Variants in LPP observed in about 807,000 individuals in gnomAD.
LPP encodes lipoma-preferred partner.
LPP carries 38 observed loss-of-function variants against 60.4 expected under a neutral mutation model. That is an observed-to-expected ratio of 0.63 (90% confidence interval 0.49 to 0.83). The LOEUF (loss-of-function observed/expected upper bound fraction) is 0.83, where lower values mean the gene tolerates loss of function less well. LPP is among the 40% of genes least tolerant of loss of function. LPP has a pLI of 0.00. For missense variants in LPP, 902 were observed against 783.6 expected, an observed-to-expected ratio of 1.15 and a Z score of -1.80; for synonymous variants, 328 against 290.8, an observed-to-expected ratio of 1.13 and a Z score of -1.30.
At chr3:188,185,760 G>T (rs575778722) in intron 1 of LPP, among the ~76,000 whole-genome samples, 1 of 152,084 alleles carries the variant, frequency 6.6e-6, no homozygotes, top group South Asian at 2.1e-4. Context: ...CCCTTCTGTC[G>T]TTCTCTCATG....
At chr3:188,384,457 G>T (rs1325943834) in intron 3 of LPP, among the ~76,000 whole-genome samples, 1 of 151,964 alleles carries the variant, frequency 6.6e-6, no homozygotes, top group Non-Finnish European at 1.5e-5. Context: ...TATTTACGAA[G>T]GGACTCAAAC....
chr3:188,607,418 A>AATT (rs1553941235), intron 6 of LPP, among the ~76,000 whole-genome samples: 21 of 38,434 alleles, frequency 5.5e-4, no homozygotes, highest in South Asian at 2.6e-3. Context: ...TATATATATA[A>AATT]TTTTTTTTTC....
rs1194890324 is a variant in LPP at position 188,462,542 on chromosome 3, CTTTATATATATATATA to C, written c.194-22048_194-22033del. Among the ~76,000 whole-genome samples, 109 of 64,292 alleles carry C rather than the reference CTTTATATATATATATA, an allele frequency of 1.7e-3. 3 individuals are homozygous for C. Among genetic ancestry groups the C allele is most frequent in the East Asian group, 5.3e-3 (14 of 2,658 alleles). The allele number at this position is 64,292 out of a possible 152,430, so 42.2% of individuals were successfully genotyped here. A position where few individuals can be genotyped will look rare whatever the true frequency, so the allele number is the denominator to read the frequency against. On this transcript the variant is annotated intron_variant, in intron 4 of 11. Transcript: ENST00000617246. Reference sequence around the variant, plus strand: ...TATAAATTTAGCCAATTTATATGAGCTTTATATATATATATATATATATATATATATATATATATAT... The same window carrying C: ...TATAAATTTAGCCAATTTATATGAGCTATATATATATATATATATATATAT...
At chr3:188,564,887 T>C (rs951656365) in intron 6 of LPP, among the ~76,000 whole-genome samples, 2 of 152,004 alleles carry the variant, frequency 1.3e-5, no homozygotes, top group Non-Finnish European at 2.9e-5. Flanking sequence ...TTAGTGATTC[T>C]GTTTAGTCTT....
intron 6 of LPP, among the ~76,000 whole-genome samples, chr3:188,599,399 C>T (rs1465352127): frequency 6.6e-6 from 1 of 152,062 alleles, no homozygotes; most frequent in Non-Finnish European, 1.5e-5. Flanking sequence ...TGAAGATTTT[C>T]AAGGTAGCAT....
At chr3:188,196,367 G>A (rs943193228) in intron 1 of LPP, among the ~76,000 whole-genome samples, 3 of 152,112 alleles carry the variant, frequency 2.0e-5, no homozygotes, top group Non-Finnish European at 2.9e-5. Context: ...GAGTGACATC[G>A]CCCAATCCTG....
chr3:188,183,269 C>T (rs564457953), intron 1 of LPP, among the ~76,000 whole-genome samples: 3 of 152,248 alleles, frequency 2.0e-5, no homozygotes, highest in Non-Finnish European at 2.9e-5. Flanking sequence ...GCCCACCTTC[C>T]TTATGTCCTC....
intron 9 of LPP, among the ~76,000 whole-genome samples, chr3:188,811,206 CTG>C (rs906107578): frequency 6.6e-6 from 1 of 151,964 alleles, no homozygotes; most frequent in Admixed American, 6.6e-5. Context: ...ATCATTTAGA[CTG>C]TAACATAAGA....
At chr3:188,373,931 G>A (rs1774101086) in intron 3 of LPP, among the ~76,000 whole-genome samples, 1 of 152,066 alleles carries the variant, frequency 6.6e-6, no homozygotes, top group Non-Finnish European at 1.5e-5. Context: ...TATATGGCTG[G>A]CCAGTTTCCC....
At chr3:188,186,624 C>A (rs1726682003) in intron 1 of LPP, among the ~76,000 whole-genome samples, 1 of 151,184 alleles carries the variant, frequency 6.6e-6, no homozygotes, top group Non-Finnish European at 1.5e-5. Flanking sequence ...TGCTATAATA[C>A]AGGCTTACAG....
chr3:188,374,786 A>G (rs886899360), intron 3 of LPP, among the ~76,000 whole-genome samples: 6 of 152,010 alleles, frequency 3.9e-5, no homozygotes, highest in Non-Finnish European at 5.9e-5. Flanking sequence ...TCTTGTGCCC[A>G]TTTTCAAAGG....
chr3:188,801,062 A>T (rs1299722566), intron 9 of LPP, among the ~76,000 whole-genome samples: 1 of 152,096 alleles, frequency 6.6e-6, no homozygotes, highest in Non-Finnish European at 1.5e-5. Context: ...ACTCACACAC[A>T]CACTGATCGA....
chr3:188,368,779 A>G (rs1027019124), intron 3 of LPP, among the ~76,000 whole-genome samples: 5 of 151,218 alleles, frequency 3.3e-5, no homozygotes, highest in South Asian at 2.1e-4. Context: ...GGAACATTTT[A>G]TGCTCAAGGT....
chr3:188,316,052 T>C (rs1301876240), intron 2 of LPP, among the ~76,000 whole-genome samples: 1 of 152,190 alleles, frequency 6.6e-6, no homozygotes, highest in African/African-American at 2.4e-5. Context: ...GGCAGGCAGA[T>C]CACCTGAGGT....
intron 7 of LPP, among the ~76,000 whole-genome samples, chr3:188,636,404 C>G (rs1180732791): frequency 2.0e-5 from 3 of 152,310 alleles, no homozygotes; most frequent in Admixed American, 6.5e-5. Context: ...TCGGAGGGTC[C>G]TACCCCATGG....
chr3:188,608,851 T>C (rs1323776664), intron 6 of LPP, among the ~76,000 whole-genome samples: 1 of 152,184 alleles, frequency 6.6e-6, no homozygotes, highest in African/African-American at 2.4e-5. Context: ...CTTTCACCGA[T>C]GTTTAATAGT....
At chr3:188,517,204 C>A (rs1482830739) in intron 5 of LPP, among the ~76,000 whole-genome samples, 2 of 152,160 alleles carry the variant, frequency 1.3e-5, no homozygotes, top group Non-Finnish European at 2.9e-5. Context: ...GGTCACAAAG[C>A]CAGCAATTGG....
At chr3:188,391,805 C>T (rs1181212651) in intron 3 of LPP, among the ~76,000 whole-genome samples, 1 of 151,742 alleles carries the variant, frequency 6.6e-6, no homozygotes, top group African/African-American at 2.4e-5. Flanking sequence ...CTCTTTTTGT[C>T]ACGGCTGCTT....
intron 2 of LPP, among the ~76,000 whole-genome samples, chr3:188,280,806 T>C (rs1004578545): frequency 1.3e-5 from 2 of 152,206 alleles, no homozygotes; most frequent in African/African-American, 2.4e-5. Flanking sequence ...AGTTGGATTG[T>C]CTGGATTTAA....
Sources: gnomAD v4.1 joint callset for allele counts (sites outside exome capture counted in the v4.1 genomes callset) on GRCh38, gnomAD v4.1.1 for gene constraint, MANE v1.5 for transcripts, NCBI Gene and HGNC (gene_info 2026-07-23, HGNC 2026-07-21) for gene names.